Variants in HECTD2 observed in about 807,000 individuals in gnomAD.
HECTD2 encodes HECT domain E3 ubiquitin protein ligase 2, also known as probable E3 ubiquitin-protein ligase HECTD2.
A neutral mutation model predicts 103.2 loss-of-function variants in HECTD2; 35 were observed. That is an observed-to-expected ratio of 0.34 (90% CI 0.26 to 0.45). The LOEUF (loss-of-function observed/expected upper bound fraction) is 0.45. Ranked by LOEUF, HECTD2 falls within the 20% of genes least tolerant of loss-of-function variation. The pLI is 1.00. For missense variants in HECTD2, 596 were observed against 937.4 expected, an observed-to-expected ratio of 0.64 and a Z score of 4.76; for synonymous variants, 281 against 329.9, an observed-to-expected ratio of 0.85 and a Z score of 1.61.
intron 2 of HECTD2, among the ~76,000 whole-genome samples, chr10:91,444,223 A>G (rs118182931): frequency 0.014 from 2,142 of 152,298 alleles, 23 homozygotes; most frequent in Non-Finnish European, 0.022. Context: ...ATATAAATTA[A>G]CTTATTCACA....
At chr10:91,444,798 C>T (rs1844526218) in intron 2 of HECTD2, among the ~76,000 whole-genome samples, 1 of 152,142 alleles carries the variant, frequency 6.6e-6, no homozygotes. Flanking sequence ...GCAACTTTTT[C>T]TGCAATACAG....
chr10:91,479,452 G>C (rs1312526773), intron 6 of HECTD2, among the ~76,000 whole-genome samples: 1 of 152,112 alleles, frequency 6.6e-6, no homozygotes, highest in Admixed American at 6.5e-5. Flanking sequence ...AAATCATACT[G>C]TATAGTTTCA....
intron 2 of HECTD2, among the ~76,000 whole-genome samples, chr10:91,450,452 G>T (rs1290535636): frequency 6.6e-6 from 1 of 152,072 alleles, no homozygotes; most frequent in East Asian, 1.9e-4. Flanking sequence ...TACCATTCAG[G>T]ACATAGGCGT....
chr10:91,484,615 C>T lies in HECTD2; in HGVS notation c.930C>T (p.Ser310=). ...PEEFPPITKC[S]WWIPSAAKVL... is the part of the protein sequence containing the mutation. ...AATTTCCACCTATAACAAAGTGTTCCTGGTGGATTCCATCAGCCGCTAAAG... is the reference window on the plus strand; with the variant it reads ...AATTTCCACCTATAACAAAGTGTTCTTGGTGGATTCCATCAGCCGCTAAAG... The change falls in exon 9 of 21, where the codon TCC becomes TCT. Residue 310 remains serine (S), a synonymous_variant. Coordinates refer to ENST00000298068, the MANE Select transcript of HECTD2 (RefSeq NM_182765.6). 1 of 1,611,464 alleles carries T rather than the reference C, an allele frequency of 6.2e-7. No homozygotes were observed. Among genetic ancestry groups the T allele is most frequent in the Non-Finnish European group, 8.5e-7 (1 of 1,178,686 alleles).
chr10:91,512,135 T>TG (rs1847446767), intron 20 of HECTD2, 129 bp from the exon 21 acceptor site: 1 of 944,050 alleles, frequency 1.1e-6, no homozygotes, highest in African/African-American at 1.7e-5. Context: ...AGTGAAGAAA[T>TG]GGATGAGTCA....
At chr10:91,495,314 T>C (rs2133330934) in intron 14 of HECTD2, among the ~76,000 whole-genome samples, 1 of 152,146 alleles carries the variant, frequency 6.6e-6, no homozygotes, top group East Asian at 1.9e-4. Flanking sequence ...TGTGTTGTTC[T>C]AGTAGTTCTG....
At chr10:91,412,173 TTAA>T (rs1405361200) in intron 1 of HECTD2, among the ~76,000 whole-genome samples, 9 of 152,346 alleles carry the variant, frequency 5.9e-5, no homozygotes, top group African/African-American at 2.2e-4. Flanking sequence ...ATCAACCATC[TTAA>T]TAACTGTAAT....
At chr10:91,450,958 C>T (rs112491442) in intron 2 of HECTD2, among the ~76,000 whole-genome samples, 8 of 152,164 alleles carry the variant, frequency 5.3e-5, no homozygotes, top group African/African-American at 1.9e-4. Flanking sequence ...TGTGGTGATT[C>T]CTCAAGAATC....
At chr10:91,505,152 C>T (rs1345758462) in intron 20 of HECTD2, among the ~76,000 whole-genome samples, 3 of 151,866 alleles carry the variant, frequency 2.0e-5, no homozygotes, top group African/African-American at 7.3e-5. Flanking sequence ...CAACCGGTAC[C>T]AGCCGCTGCA....
intron 1 of HECTD2, among the ~76,000 whole-genome samples, chr10:91,423,135 A>G (rs893850931): frequency 1.3e-5 from 2 of 152,118 alleles, no homozygotes; most frequent in Non-Finnish European, 2.9e-5. Flanking sequence ...TGATGTGTTC[A>G]ACACACGTAC....
At chr10:91,452,723 C>G (rs1168426640) in intron 2 of HECTD2, among the ~76,000 whole-genome samples, 1 of 149,648 alleles carries the variant, frequency 6.7e-6, no homozygotes, top group East Asian at 1.9e-4. Flanking sequence ...TGCAGCACCT[C>G]AAAAAAAAAG....
chr10:91,444,259 T>C (rs1320492652), intron 2 of HECTD2, among the ~76,000 whole-genome samples: 2 of 152,218 alleles, frequency 1.3e-5, no homozygotes, highest in African/African-American at 4.8e-5. Context: ...CACAGTTTTA[T>C]ATCCACTCAT....
intron 9 of HECTD2, 116 bp downstream of exon 9, chr10:91,484,771 A>G: frequency 5.4e-6 from 4 of 744,634 alleles, no homozygotes; most frequent in Non-Finnish European, 8.3e-6. Context: ...ATTTCTGTGA[A>G]GGAAAGAGTT....
At chr10:91,412,112 A>G (rs967048877) in intron 1 of HECTD2, among the ~76,000 whole-genome samples, 8 of 152,178 alleles carry the variant, frequency 5.3e-5, no homozygotes, top group African/African-American at 1.4e-4. Flanking sequence ...TTCGGTACAT[A>G]TATCATATAT....
intron 20 of HECTD2, among the ~76,000 whole-genome samples, chr10:91,505,945 A>G (rs1186898476): frequency 6.6e-6 from 1 of 151,818 alleles, no homozygotes; most frequent in Non-Finnish European, 1.5e-5. Context: ...AGTGCAATCA[A>G]ACTAGAACTC....
intron 7 of HECTD2, 53 bp from the exon 8 acceptor site, chr10:91,482,914 C>T: frequency 1.3e-6 from 1 of 785,414 alleles, no homozygotes; most frequent in Non-Finnish European, 2.1e-6. Context: ...TAGTGTCTTT[C>T]CTTTTACGTG....
chr10:91,414,564 A>G (rs1843045410), intron 1 of HECTD2, among the ~76,000 whole-genome samples: 1 of 152,260 alleles, frequency 6.6e-6, no homozygotes, highest in Admixed American at 6.5e-5. Context: ...GCAATATGTA[A>G]AAACCACAAT....
intron 1 of HECTD2, among the ~76,000 whole-genome samples, chr10:91,424,693 G>A (rs1843489851): frequency 6.6e-6 from 1 of 152,036 alleles, no homozygotes. Context: ...TGTTTTAGAA[G>A]ATTGCTATTA....
chr10:91,449,357 A>G (rs1046455216), intron 2 of HECTD2, among the ~76,000 whole-genome samples: 1 of 152,210 alleles, frequency 6.6e-6, no homozygotes, highest in African/African-American at 2.4e-5. Context: ...TTTTATACTA[A>G]AATCTCTCAA....
Sources: allele counts gnomAD v4.1 joint callset (sites outside exome capture counted in the v4.1 genomes callset), GRCh38; gene constraint gnomAD v4.1.1; transcripts MANE v1.5; gene names NCBI Gene and HGNC (gene_info 2026-07-23, HGNC 2026-07-21).